SLC35D4: variants seen among roughly 807,000 people sequenced by gnomAD.
SLC35D4 encodes UDP-N-acetylglucosamine transporter SLC35D4.
At chr18:23,322,546 T>C in the SLC35D4 span, among the ~76,000 whole-genome samples, 1 of 152,242 alleles carries the variant, frequency 6.6e-6, no homozygotes, top group Non-Finnish European at 1.5e-5. Flanking sequence ...TTTTCTCTGG[T>C]GCTTACATTT....
chr18:23,364,443 A>G, the SLC35D4 span, among the ~76,000 whole-genome samples: 1 of 152,234 alleles, frequency 6.6e-6, no homozygotes, highest in Non-Finnish European at 1.5e-5. Context: ...CACAACCAAT[A>G]TAACTTGTAT....
chr18:23,370,129 A>G, the SLC35D4 span: 3 of 1,179,792 alleles, frequency 2.5e-6, no homozygotes, highest in Non-Finnish European at 3.5e-6. Flanking sequence ...CGGTGAGCTG[A>G]GACCGCGCCA....
At chr18:23,436,699 A>G in the SLC35D4 span, among the ~76,000 whole-genome samples, 1 of 152,148 alleles carries the variant, frequency 6.6e-6, no homozygotes, top group Admixed American at 6.5e-5. Context: ...AGGCTGAGGC[A>G]GGAGAATCGC....
the SLC35D4 span, chr18:23,297,828 C>T: frequency 1.5e-6 from 1 of 678,858 alleles, no homozygotes. Context: ...GCCTCGGCCT[C>T]ATCAGCCACC....
At chr18:23,252,165 G>A in the SLC35D4 span, among the ~76,000 whole-genome samples, 6 of 152,148 alleles carry the variant, frequency 3.9e-5, no homozygotes, top group Non-Finnish European at 7.4e-5. Flanking sequence ...CTTACATAAG[G>A]CAAATTTATA....
At chr18:23,427,209 C>T in the SLC35D4 span, among the ~76,000 whole-genome samples, 1 of 152,060 alleles carries the variant, frequency 6.6e-6, no homozygotes, top group African/African-American at 2.4e-5. Flanking sequence ...AGCAAAAGAA[C>T]CTACCATCAG....
At chr18:23,323,459 AG>A in the SLC35D4 span, among the ~76,000 whole-genome samples, 50 of 152,310 alleles carry the variant, frequency 3.3e-4, no homozygotes, top group Admixed American at 1.0e-3. Context: ...CTTCCTGAAG[AG>A]CATTGGCTGG....
chr18:23,289,689 G>A, the SLC35D4 span, among the ~76,000 whole-genome samples: 4 of 152,112 alleles, frequency 2.6e-5, no homozygotes, highest in Non-Finnish European at 4.4e-5. Flanking sequence ...ATCATATCCC[G>A]TGACCTGCAC....
the SLC35D4 span, chr18:23,385,031 C>T: frequency 6.2e-7 from 1 of 1,613,688 alleles, no homozygotes; most frequent in Non-Finnish European, 8.5e-7. Context: ...ATGATAACTT[C>T]AGCTACATTA....
the SLC35D4 span, among the ~76,000 whole-genome samples, chr18:23,374,732 G>T: frequency 6.6e-6 from 1 of 152,106 alleles, no homozygotes; most frequent in Non-Finnish European, 1.5e-5. Flanking sequence ...TGATCCGCCT[G>T]CCTCGGCCTC....
chr18:23,364,926 AAAAAAAAG>A, the SLC35D4 span, among the ~76,000 whole-genome samples: 18 of 1,748 alleles, frequency 0.01, 2 homozygotes, highest in Middle Eastern at 0.25. Context: ...AAAAAAAAAA[AAAAAAAAG>A]GACTCCTTTC....
chr18:23,303,139 C>T, the SLC35D4 span, among the ~76,000 whole-genome samples: 16 of 152,224 alleles, frequency 1.1e-4, no homozygotes, highest in Admixed American at 3.9e-4. Flanking sequence ...CACCCAGCCA[C>T]GCTTGAACAC....
chr18:23,281,467 C>T, the SLC35D4 span, among the ~76,000 whole-genome samples: 3 of 152,182 alleles, frequency 2.0e-5, no homozygotes, highest in East Asian at 5.8e-4. Context: ...GGACCACAGG[C>T]GTGCACAACC....
At chr18:23,239,886 G>A in the SLC35D4 span, among the ~76,000 whole-genome samples, 1 of 152,224 alleles carries the variant, frequency 6.6e-6, no homozygotes, top group Non-Finnish European at 1.5e-5. Flanking sequence ...GGGAGGCCAA[G>A]GCAGGTGGAT....
the SLC35D4 span, among the ~76,000 whole-genome samples, chr18:23,306,983 A>C: frequency 6.6e-6 from 1 of 152,206 alleles, no homozygotes; most frequent in Non-Finnish European, 1.5e-5. Context: ...TAGACTATTT[A>C]TGTGTGATGT....
At chr18:23,274,246 A>G in the SLC35D4 span, among the ~76,000 whole-genome samples, 1,468 of 152,206 alleles carry the variant, frequency 9.6e-3, 26 homozygotes, top group African/African-American at 0.034. Flanking sequence ...CTACATTTCC[A>G]TTGTAAAAAT....
chr18:23,355,792 C>A, the SLC35D4 span, among the ~76,000 whole-genome samples: 298 of 152,248 alleles, frequency 2.0e-3, 3 homozygotes, highest in African/African-American at 6.9e-3. Flanking sequence ...AGTAGATCAT[C>A]ATAATGACCA....
the SLC35D4 span, chr18:23,377,596 T>C: frequency 4.6e-6 from 7 of 1,536,908 alleles, no homozygotes; most frequent in African/African-American, 2.8e-5. Context: ...AAGTTAAAAA[T>C]AGGTTAAATC....
chr18:23,274,611 A>G, the SLC35D4 span, among the ~76,000 whole-genome samples: 1 of 151,964 alleles, frequency 6.6e-6, no homozygotes, highest in African/African-American at 2.4e-5. Flanking sequence ...CCCTTCCCCT[A>G]TTCCCCACTG....
Sources: allele counts gnomAD v4.1 joint callset (sites outside exome capture counted in the v4.1 genomes callset), GRCh38; gene constraint gnomAD v4.1.1; transcripts MANE v1.5; gene names NCBI Gene and HGNC (gene_info 2026-07-23, HGNC 2026-07-21).